Variants in SPOCK1 observed in about 807,000 individuals in gnomAD.
The protein encoded by SPOCK1 is SPARC (osteonectin), cwcv and kazal like domains proteoglycan 1.
SPOCK1 carries 23 observed loss-of-function variants against 55.3 expected under a neutral mutation model. That is an observed-to-expected ratio of 0.42 (90% CI 0.30 to 0.59). The LOEUF (loss-of-function observed/expected upper bound fraction) is 0.59, where lower values mean the gene tolerates loss of function less well. Among genes scored for constraint, SPOCK1 ranks in the 20% least tolerant of loss-of-function variants. SPOCK1 has a pLI of 0.22. For synonymous variants in SPOCK1, 226 were observed against 221.0 expected, an observed-to-expected ratio of 1.02 and a Z score of -0.20; for missense variants, 499 against 552.5, an observed-to-expected ratio of 0.90 and a Z score of 0.97.
At chr5:137,456,152 T>G (rs1454837815) in intron 2 of SPOCK1, among the ~76,000 whole-genome samples, 1 of 152,166 alleles carries the variant, frequency 6.6e-6, no homozygotes, top group Non-Finnish European at 1.5e-5. Flanking sequence ...AGACTGCTCA[T>G]ATGAGGGTCC....
intron 5 of SPOCK1, among the ~76,000 whole-genome samples, chr5:137,072,725 T>A (rs1245726719): frequency 6.6e-6 from 1 of 152,256 alleles, no homozygotes; most frequent in Non-Finnish European, 1.5e-5. Context: ...GCTTTGCCTC[T>A]CATGCTTTGG....
At chr5:137,482,538 G>A (rs1234381722) in intron 2 of SPOCK1, among the ~76,000 whole-genome samples, 1 of 152,154 alleles carries the variant, frequency 6.6e-6, no homozygotes, top group Non-Finnish European at 1.5e-5. Context: ...CCAAGGCCTG[G>A]AACACAGGAG....
chr5:137,280,844 A>T (rs1043385348), intron 2 of SPOCK1, among the ~76,000 whole-genome samples: 2 of 152,208 alleles, frequency 1.3e-5, no homozygotes, highest in Non-Finnish European at 2.9e-5. Context: ...CCTTGTAAAC[A>T]CAGCCCCGGT....
At chr5:137,431,936 T>C (rs1364109513) in intron 2 of SPOCK1, among the ~76,000 whole-genome samples, 1 of 152,066 alleles carries the variant, frequency 6.6e-6, no homozygotes, top group Non-Finnish European at 1.5e-5. Flanking sequence ...ATGTAAAGAG[T>C]TTTTGTGCAA....
chr5:137,313,168 C>A (rs1199586742), intron 2 of SPOCK1, among the ~76,000 whole-genome samples: 1 of 152,166 alleles, frequency 6.6e-6, no homozygotes, highest in Non-Finnish European at 1.5e-5. Context: ...CTGAAATTCC[C>A]ACAGTTAGAG....
intron 6 of SPOCK1, among the ~76,000 whole-genome samples, chr5:137,060,652 T>A (rs1385725504): frequency 2.0e-5 from 3 of 151,450 alleles, no homozygotes; most frequent in East Asian, 1.9e-4. Flanking sequence ...AAACAGTAAG[T>A]GCAGGATAAG....
rs923596178 is a variant in SPOCK1, at chr5:137,067,811, C to T, written c.493G>A (p.Ala165Thr). ...GCGAGGCTTTTGCCAGTAGAACAAG[C>T]ATGGAACTCCAATTTGCACTGCAAA... Reference protein sequence around the residue: ...YTSKCKLEFHACSTGKSLATL... With the variant: ...YTSKCKLEFHTCSTGKSLATL... Residue 165 changes from alanine (A) to threonine (T), a missense_variant, in exon 6 of 11, where the codon GCT becomes ACT. By Grantham distance (58) the Ala-to-Thr change is moderately conservative. Coordinates refer to ENST00000394945, the MANE Select transcript of SPOCK1 (RefSeq NM_004598.4). The T allele has an allele frequency of 4.3e-6, 7 of 1,614,078 alleles. No homozygotes were observed. The Middle Eastern group carries it at 8.3e-4, about 190-fold the overall frequency.
Position 137,375,972 on chromosome 5 carries a change from T to C in SPOCK1, c.187-108917A>G, listed in dbSNP as rs185400499. ...CTCCCTTCCTCTGCGCCTAGGAGCA[T>C]CAGGCCTTTTAAGAAGGCACCATGA... On this transcript the variant is annotated intron_variant, in intron 2 of 10. Coordinates refer to ENST00000394945, the MANE Select transcript of SPOCK1 (RefSeq NM_004598.4). Among the ~76,000 whole-genome samples, 121 of 152,298 alleles carry C rather than the reference T, an allele frequency of 7.9e-4. 2 individuals are homozygous for C. In the East Asian group the frequency reaches 0.023, roughly 29 times the overall value.
At chr5:137,212,433 C>T (rs576396252) in intron 3 of SPOCK1, among the ~76,000 whole-genome samples, 4 of 152,216 alleles carry the variant, frequency 2.6e-5, no homozygotes, top group Admixed American at 6.5e-5. Flanking sequence ...AATGATGGTG[C>T]AATTTCTTAG....
rs566816403 is a variant in SPOCK1, at chr5:137,132,816, T to G, written c.347+7764A>C. Among the ~76,000 whole-genome samples the G allele has an allele frequency of 3.3e-5, 5 of 152,262 alleles. No individual in the cohort carries two copies. In the East Asian group the frequency reaches 7.7e-4, roughly 24 times the overall value. ...GTTGTTTTTTGTTGTTGTTGTTGTT[T>G]TTCTTCAGCAAGTGCAGCCTGGAGG... On this transcript the variant is annotated intron_variant, in intron 4 of 10. Coordinates refer to ENST00000394945, the MANE Select transcript of SPOCK1 (RefSeq NM_004598.4).
At chr5:137,216,814 G>A (rs746311061) in intron 3 of SPOCK1, among the ~76,000 whole-genome samples, 9 of 152,210 alleles carry the variant, frequency 5.9e-5, no homozygotes, top group Non-Finnish European at 4.4e-5. Context: ...ATCAGGGGTC[G>A]GGGGTGTGTT....
chr5:137,068,657 T>G (rs1416066819), intron 5 of SPOCK1, among the ~76,000 whole-genome samples: 2 of 152,220 alleles, frequency 1.3e-5, no homozygotes, highest in Non-Finnish European at 2.9e-5. Context: ...TCTTGCATTA[T>G]GGAAGAGGAA....
chr5:137,061,173 CA>C (rs1752388368), intron 6 of SPOCK1, among the ~76,000 whole-genome samples: 1 of 152,186 alleles, frequency 6.6e-6, no homozygotes, highest in African/African-American at 2.4e-5. Context: ...GGGCATTAAA[CA>C]AAAATGTTCT....
intron 2 of SPOCK1, among the ~76,000 whole-genome samples, chr5:137,434,761 A>G (rs1752824187): frequency 6.6e-6 from 1 of 151,654 alleles, no homozygotes; most frequent in Admixed American, 6.6e-5. Flanking sequence ...TCGGCCTCCC[A>G]AAGTGCTGGG....
intron 3 of SPOCK1, among the ~76,000 whole-genome samples, chr5:137,214,023 T>G (rs1755667099): frequency 6.6e-6 from 1 of 152,194 alleles, no homozygotes; most frequent in Non-Finnish European, 1.5e-5. Context: ...AAAACTCAAG[T>G]GCAACGGCCT....
intron 2 of SPOCK1, among the ~76,000 whole-genome samples, chr5:137,455,144 G>T (rs1395278396): frequency 6.6e-6 from 1 of 152,134 alleles, no homozygotes; most frequent in Admixed American, 6.5e-5. Context: ...ACAAGACTTT[G>T]TACCTTACAC....
chr5:137,131,458 A>C lies in SPOCK1; in HGVS notation c.347+9122T>G, dbSNP rs192840812. On this transcript the variant is annotated intron_variant, in intron 4 of 10. Coordinates refer to ENST00000394945, the MANE Select transcript of SPOCK1 (RefSeq NM_004598.4). ...CCTTGCTTCTGCTAAGAATACAAAAATTAGCCAGGCATGGTGGCACATGCC... is the reference window on the plus strand; with the variant it reads ...CCTTGCTTCTGCTAAGAATACAAAACTTAGCCAGGCATGGTGGCACATGCC... Among the ~76,000 whole-genome samples the C allele has an allele frequency of 2.0e-4, 31 of 151,918 alleles. No individual in the cohort carries two copies. In the East Asian group the frequency reaches 5.7e-3, roughly 28 times the overall value.
At position 137,118,973 on chromosome 5, in the gene SPOCK1, C is replaced by A. The variant is rs528691458; in HGVS notation, c.348-6412G>T. 2.6e-5 allele frequency among the ~76,000 whole-genome samples: 4 copies of A among 152,316 alleles called. No individual in the cohort carries two copies. In the South Asian group the frequency reaches 8.3e-4, roughly 32 times the overall value. ...TGCCCTGAACGCATCTCCCTGATTC[C>A]TCACACATAGCAACTACTCTGAGGG... On this transcript the variant is annotated intron_variant, in intron 4 of 10. Coordinates refer to ENST00000394945, the MANE Select transcript of SPOCK1 (RefSeq NM_004598.4).
At chr5:137,340,219 T>C (rs1403871250) in intron 2 of SPOCK1, among the ~76,000 whole-genome samples, 1 of 152,082 alleles carries the variant, frequency 6.6e-6, no homozygotes, top group Admixed American at 6.5e-5. Context: ...ACTGGAACAG[T>C]TGGATGACAC....
Sources: allele counts gnomAD v4.1 joint callset (sites outside exome capture counted in the v4.1 genomes callset), GRCh38; gene constraint gnomAD v4.1.1; transcripts MANE v1.5; gene names NCBI Gene and HGNC (gene_info 2026-07-23, HGNC 2026-07-21).